Variants in PHC2 observed in about 807,000 individuals in gnomAD.
PHC2 encodes the protein polyhomeotic homolog 2.
In PHC2, 29 loss-of-function variants were observed where a neutral mutation model predicts 87.4. That is an observed-to-expected ratio of 0.33 (90% CI 0.25 to 0.45). The LOEUF is 0.45. Ranked by LOEUF, PHC2 falls within the 20% of genes least tolerant of loss-of-function variation. The pLI is 1.00. For synonymous variants in PHC2, 438 were observed against 461.7 expected (o/e 0.95, Z 0.66); for missense variants, 857 against 1,136.7 (o/e 0.75, Z 3.54).
intron 14 of PHC2, chr1:33,326,149 G>A (rs2148178938): frequency 3.8e-6 from 1 of 262,424 alleles, no homozygotes; most frequent in South Asian, 3.6e-5. Context: ...GCTTCTTACT[G>A]CTGCTCACAG....
intron 9 of PHC2, among the ~76,000 whole-genome samples, chr1:33,348,871 G>C (rs557523980): frequency 6.8e-4 from 103 of 152,276 alleles, no homozygotes; most frequent in African/African-American, 2.2e-3. Flanking sequence ...CGGGTGGGTG[G>C]GCAGTAGCAG....
rs72880268 is a variant in PHC2, at chr1:33,373,028, C to T, written c.175-581G>A. 2.6e-3 allele frequency among the ~76,000 whole-genome samples: 396 copies of T among 152,346 alleles called. 2 individuals carry two copies. Among genetic ancestry groups the T allele is most frequent in the African/African-American group, 8.4e-3 (351 of 41,580 alleles). On this transcript the variant is annotated intron_variant, in intron 2 of 14. Transcript: ENST00000683057. The stretch of plus-strand genomic sequence containing the variant: ...GGCTGCTCCCCAGCTCTGCCCACAG[C>T]CTCTCAGAGTCCCATCAATCCCTTA...
chr1:33,371,522 G>A (rs539495008), intron 3 of PHC2, among the ~76,000 whole-genome samples: 1 of 152,052 alleles, frequency 6.6e-6, no homozygotes, highest in African/African-American at 2.4e-5. Flanking sequence ...ATCACACTTG[G>A]CCACTGCCAT....
rs1646932209 is a variant in PHC2 at position 33,349,908 on chromosome 1, T to C, written c.1558+4493A>G. 1.0e-6 allele frequency: 1 copy of C among 960,686 alleles called. No individual in the cohort carries two copies. Among genetic ancestry groups the C allele is most frequent in the Non-Finnish European group, 1.2e-6 (1 of 817,724 alleles). The allele number at this position is 960,686 out of a possible 1,614,324, so 59.5% of individuals were successfully genotyped here. A position where few individuals can be genotyped will look rare whatever the true frequency, so the allele number is the denominator to read the frequency against. Reference sequence around the variant, plus strand: ...CGCCGCGGAGACAATGCGGCGAGTCTGGGACGGCTCCCGCGGCCGCCTCCG... The same window carrying C: ...CGCCGCGGAGACAATGCGGCGAGTCCGGGACGGCTCCCGCGGCCGCCTCCG... On this transcript the variant is annotated intron_variant, in intron 9 of 14. Transcript: ENST00000683057. The surrounding 1 kb of genome is among the most constrained non-coding windows in gnomAD (Gnocchi z 4.2).
chr1:33,330,036 TG>T (rs1646456637), intron 13 of PHC2, 34 bp downstream of exon 13: 1 of 1,608,302 alleles, frequency 6.2e-7, no homozygotes, highest in Admixed American at 1.7e-5. Context: ...GTGGGGACTG[TG>T]GGGATGGAGC....
At chr1:33,384,025 G>A (rs1648621199) in intron 1 of PHC2, among the ~76,000 whole-genome samples, 1 of 152,110 alleles carries the variant, frequency 6.6e-6, no homozygotes, top group Non-Finnish European at 1.5e-5. Flanking sequence ...GCGGCCTTAG[G>A]GAACTATTAT....
chr1:33,409,186 G>T (rs754053137), intron 1 of PHC2, among the ~76,000 whole-genome samples: 3 of 152,126 alleles, frequency 2.0e-5, no homozygotes, highest in Non-Finnish European at 4.4e-5. Context: ...GTAATTCCAT[G>T]TTTATTAATT....
intron 1 of PHC2, among the ~76,000 whole-genome samples, chr1:33,401,142 T>C (rs1649508650): frequency 6.6e-6 from 1 of 152,044 alleles, no homozygotes; most frequent in African/African-American, 2.4e-5. Flanking sequence ...CTGGCTAACA[T>C]GGTGAAACCC....
intron 1 of PHC2, among the ~76,000 whole-genome samples, chr1:33,411,408 C>CTTAGTG (rs1570512475): frequency 1.3e-5 from 2 of 150,950 alleles, no homozygotes; most frequent in East Asian, 3.9e-4. Flanking sequence ...ACTGCTAGTT[C>CTTAGTG]CCCAAAAATG....
rs34902529 is a variant in PHC2 at position 33,364,359 on chromosome 1, G to GACACAC, written c.976+2751_976+2756dup. Among the ~76,000 whole-genome samples the GACACAC allele has an allele frequency of 1.5e-4, 22 of 145,824 alleles. No individual in the cohort carries two copies. The East Asian group carries it at 2.2e-3, about 15-fold the overall frequency. ...GCGCTCGCTTGCTTTCTCTCTCCCAGACACACACACACACACACACACACT... is the reference window on the plus strand; with the variant it reads ...GCGCTCGCTTGCTTTCTCTCTCCCAGACACACACACACACACACACACACACACACT... On this transcript the variant is annotated intron_variant, in intron 7 of 14. Coordinates refer to ENST00000683057, the MANE Select transcript of PHC2 (RefSeq NM_001385109.1). The surrounding 1 kb of genome is among the most constrained non-coding windows in gnomAD (Gnocchi z 4.1).
At chr1:33,389,160 T>C (rs892925104) in intron 1 of PHC2, among the ~76,000 whole-genome samples, 5 of 151,450 alleles carry the variant, frequency 3.3e-5, no homozygotes, top group African/African-American at 1.2e-4. Context: ...GGGTTGTGCA[T>C]GTGGTGGGTG....
intron 1 of PHC2, among the ~76,000 whole-genome samples, chr1:33,400,281 T>A (rs1033240932): frequency 2.6e-5 from 4 of 152,250 alleles, no homozygotes; most frequent in African/African-American, 9.6e-5. Context: ...TATAGGAGTT[T>A]GCACTCAGGG....
At chr1:33,426,505 C>T (rs377266742) in intron 1 of PHC2, among the ~76,000 whole-genome samples, 9 of 152,320 alleles carry the variant, frequency 5.9e-5, no homozygotes, top group African/African-American at 1.7e-4. Context: ...TAGAAATGAA[C>T]TTGTGTTGTA....
intron 1 of PHC2, among the ~76,000 whole-genome samples, chr1:33,376,485 G>A (rs1648190898): frequency 6.6e-6 from 1 of 152,222 alleles, no homozygotes; most frequent in Admixed American, 6.5e-5. Flanking sequence ...AAAGGAGGCA[G>A]ACTTCCTATA....
intron 1 of PHC2, among the ~76,000 whole-genome samples, chr1:33,401,106 CA>C (rs1318402568): frequency 6.6e-6 from 1 of 152,098 alleles, no homozygotes; most frequent in African/African-American, 2.4e-5. Context: ...GTAGGCGAAT[CA>C]AAAGGTCAGG....
intron 1 of PHC2, among the ~76,000 whole-genome samples, chr1:33,385,133 G>A (rs916645386): frequency 1.2e-4 from 18 of 152,200 alleles, no homozygotes; most frequent in Admixed American, 1.1e-3. Flanking sequence ...GAAGTGATGG[G>A]TGTGGGACTG....
intron 7 of PHC2, among the ~76,000 whole-genome samples, chr1:33,356,276 T>TATATATAC (rs1557831073): frequency 2.4e-4 from 14 of 59,472 alleles, no homozygotes; most frequent in Non-Finnish European, 2.5e-4. Context: ...TATATATATA[T>TATATATAC]GTATATATAT....
chr1:33,425,064 TC>T (rs1650612974), intron 1 of PHC2, among the ~76,000 whole-genome samples: 1 of 152,242 alleles, frequency 6.6e-6, no homozygotes, highest in South Asian at 2.1e-4. Context: ...AGATGTACCC[TC>T]ATAAAATTTA....
chr1:33,371,525 A>G (rs1276451821), intron 3 of PHC2, among the ~76,000 whole-genome samples: 1 of 152,082 alleles, frequency 6.6e-6, no homozygotes, highest in African/African-American at 2.4e-5. Context: ...ACACTTGGCC[A>G]CTGCCATCAC....
Sources: gnomAD v4.1 joint callset for allele counts (sites outside exome capture counted in the v4.1 genomes callset) on GRCh38, gnomAD v4.1.1 for gene constraint, Gnocchi (gnomAD v3.1) non-coding constraint, MANE v1.5 for transcripts, NCBI Gene and HGNC (gene_info 2026-07-23, HGNC 2026-07-21) for gene names.